RTN1: variants seen among roughly 807,000 people sequenced by gnomAD.
RTN1 encodes the protein reticulon 1, also known as reticulon-1.
RTN1 carries 25 observed loss-of-function variants against 65.5 expected under a neutral mutation model. That is an observed-to-expected ratio of 0.38 (90% CI 0.28 to 0.53). RTN1 has a LOEUF of 0.53. Ranked by LOEUF, RTN1 falls within the 20% of genes least tolerant of loss-of-function variation. The pLI is 0.79. For synonymous variants in RTN1, 471 were observed against 447.6 expected (o/e 1.05, Z -0.66); for missense variants, 983 against 1,025.4 (o/e 0.96, Z 0.57).
rs1286483045 is a variant in RTN1 at position 59,727,635 on chromosome 14, C to T, written c.1049G>A (p.Ser350Asn). Residue 350 changes from serine to asparagine, a missense_variant, in exon 3 of 9, where the codon AGC becomes AAC. By Grantham distance (46) the Ser-to-Asn change is conservative. Transcript: ENST00000267484. The surrounding 1 kb of genome is among the most constrained non-coding windows in gnomAD (Gnocchi z 4.2). ...GGTGATCAGCTCATCCTCGGAGATG[C>T]TGCCTTTCCCCTGGGATTCTGCAGC... ...PSAAESQGKG[S>N]ISEDELITAI... is the part of the protein sequence containing the mutation. 6.2e-7 allele frequency: 1 copy of T among 1,609,188 alleles called. No homozygotes were observed.
At chr14:59,695,605 GA>G (rs2139442617) in intron 3 of RTN1, among the ~76,000 whole-genome samples, 1 of 152,272 alleles carries the variant, frequency 6.6e-6, no homozygotes, top group East Asian at 1.9e-4. Context: ...TTGTACAGAA[GA>G]AAGACTACTT....
intron 2 of RTN1, among the ~76,000 whole-genome samples, chr14:59,744,879 C>T (rs1285183424): frequency 6.6e-6 from 1 of 152,110 alleles, no homozygotes; most frequent in Non-Finnish European, 1.5e-5. Flanking sequence ...GAGACCTGTG[C>T]TATAGTTTGA....
chr14:59,604,210 A>C (rs998665443), intron 5 of RTN1: 6 of 193,788 alleles, frequency 3.1e-5, no homozygotes. Context: ...CGAGTTAATA[A>C]AGGTTTTTAC....
intron 2 of RTN1, among the ~76,000 whole-genome samples, chr14:59,739,759 G>T (rs1320887036): frequency 6.6e-6 from 1 of 152,146 alleles, no homozygotes; most frequent in Non-Finnish European, 1.5e-5. Flanking sequence ...ACTCAGAAAT[G>T]GTGAGCCTGA....
At chr14:59,686,688 G>T (rs1232380613) in intron 3 of RTN1, among the ~76,000 whole-genome samples, 2 of 152,208 alleles carry the variant, frequency 1.3e-5, no homozygotes, top group Non-Finnish European at 2.9e-5. Context: ...GGAGCAGAGA[G>T]CCTCCTCTGT....
At chr14:59,704,483 C>T (rs1407638716) in intron 3 of RTN1, among the ~76,000 whole-genome samples, 1 of 152,142 alleles carries the variant, frequency 6.6e-6, no homozygotes, top group Non-Finnish European at 1.5e-5. Context: ...CTCTGAAAAC[C>T]TGCTGGCACC....
intron 1 of RTN1, among the ~76,000 whole-genome samples, chr14:59,772,121 T>G (rs984007728): frequency 1.4e-4 from 22 of 152,184 alleles, no homozygotes; most frequent in African/African-American, 5.1e-4. Context: ...TGCTACTGAC[T>G]GAAAAATAAA....
chr14:59,769,286 A>C (rs1485475792), intron 1 of RTN1, among the ~76,000 whole-genome samples: 2 of 152,224 alleles, frequency 1.3e-5, no homozygotes, highest in Non-Finnish European at 2.9e-5. Context: ...AGATACTATT[A>C]GCATATGCAC....
intron 1 of RTN1, among the ~76,000 whole-genome samples, chr14:59,844,064 A>G (rs982733460): frequency 2.0e-5 from 3 of 152,202 alleles, no homozygotes; most frequent in Non-Finnish European, 2.9e-5. Flanking sequence ...TTGTGAGAAT[A>G]CAGGCTGGTT....
At chr14:59,764,176 T>C (rs1279809454) in intron 1 of RTN1, among the ~76,000 whole-genome samples, 1 of 152,068 alleles carries the variant, frequency 6.6e-6, no homozygotes, top group Non-Finnish European at 1.5e-5. Flanking sequence ...GGAGCCACTG[T>C]GAGGGTATTA....
chr14:59,829,550 C>T lies in RTN1; in HGVS notation c.241+40840G>A, dbSNP rs1257187642. ...ACTTCCTGTAAATCTATACTTACTGCACATTAAAAATATAAATAGATGGCA... is the reference window on the plus strand; with the variant it reads ...ACTTCCTGTAAATCTATACTTACTGTACATTAAAAATATAAATAGATGGCA... On this transcript the variant is annotated intron_variant, in intron 1 of 8. Coordinates refer to ENST00000267484, the MANE Select transcript of RTN1 (RefSeq NM_021136.3). The surrounding 1 kb of genome is among the most constrained non-coding windows in gnomAD (Gnocchi z 4.3). Among the ~76,000 whole-genome samples, 1 of 152,148 alleles carries T rather than the reference C, an allele frequency of 6.6e-6. No individual in the cohort carries two copies. The highest frequency in any genetic ancestry group is 2.4e-5 in the African/African-American group (1 of 41,406).
chr14:59,702,004 C>T (rs571213838), intron 3 of RTN1, among the ~76,000 whole-genome samples: 1 of 152,028 alleles, frequency 6.6e-6, no homozygotes, highest in Non-Finnish European at 1.5e-5. Context: ...AAACAAAATT[C>T]GCCTTTTACA....
intron 3 of RTN1, among the ~76,000 whole-genome samples, chr14:59,624,725 G>T (rs1344151317): frequency 1.3e-5 from 2 of 152,130 alleles, no homozygotes; most frequent in African/African-American, 4.8e-5. Context: ...GCCTCCCAAA[G>T]TGCTGGGATT....
At chr14:59,714,142 G>A (rs1451590329) in intron 3 of RTN1, among the ~76,000 whole-genome samples, 2 of 151,922 alleles carry the variant, frequency 1.3e-5, no homozygotes, top group African/African-American at 4.8e-5. Context: ...TGCTGAGGCA[G>A]GAGAATTGCT....
intron 1 of RTN1, among the ~76,000 whole-genome samples, chr14:59,763,917 G>A (rs190967341): frequency 4.8e-4 from 73 of 152,284 alleles, no homozygotes; most frequent in African/African-American, 1.5e-3. Flanking sequence ...CCTAGGTGAT[G>A]ACCAAAAAAA....
chr14:59,861,990 G>A (rs149709306), intron 1 of RTN1, among the ~76,000 whole-genome samples: 4 of 152,132 alleles, frequency 2.6e-5, no homozygotes, highest in African/African-American at 4.8e-5. Context: ...CTATTACCTC[G>A]TATAATGTGC....
intron 3 of RTN1, among the ~76,000 whole-genome samples, chr14:59,694,855 G>T (rs1884030714): frequency 1.3e-5 from 2 of 152,124 alleles, no homozygotes; most frequent in African/African-American, 2.4e-5. Context: ...AAAGAAAAAG[G>T]AGGCTGACAG....
intron 3 of RTN1, among the ~76,000 whole-genome samples, chr14:59,687,733 C>T (rs1883876988): frequency 6.6e-6 from 1 of 151,736 alleles, no homozygotes; most frequent in African/African-American, 2.4e-5. Context: ...GCATCCTGAC[C>T]CATTGTACCA....
chr14:59,684,481 G>A (rs542337155), intron 3 of RTN1, among the ~76,000 whole-genome samples: 75 of 152,002 alleles, frequency 4.9e-4, no homozygotes, highest in African/African-American at 1.2e-3. Context: ...ATAAAAATAA[G>A]AAGCATGTTT....
Sources: allele counts gnomAD v4.1 joint callset (sites outside exome capture counted in the v4.1 genomes callset), GRCh38; gene constraint gnomAD v4.1.1; non-coding constraint Gnocchi (gnomAD v3.1); transcripts MANE v1.5; gene names NCBI Gene and HGNC (gene_info 2026-07-23, HGNC 2026-07-21).